The following EYA4 variants were observed in gnomAD, a reference collection of about 807,000 sequenced individuals.
EYA4 encodes EYA transcriptional coactivator and phosphatase 4.
Under a neutral mutation model 87.9 loss-of-function variants are expected in EYA4, and 31 were observed. That is an observed-to-expected ratio of 0.35 (90% confidence interval 0.27 to 0.48). The LOEUF (loss-of-function observed/expected upper bound fraction) is 0.48. EYA4 is among the 20% of genes least tolerant of loss of function. EYA4 has a pLI of 0.99. For missense variants in EYA4, 678 were observed against 761.4 expected, an observed-to-expected ratio of 0.89 and a Z score of 1.29; for synonymous variants, 263 against 270.6, an observed-to-expected ratio of 0.97 and a Z score of 0.28.
At chr6:133,504,684 TGAAAG>T (rs1394654764) in intron 13 of EYA4, among the ~76,000 whole-genome samples, 2 of 152,120 alleles carry the variant, frequency 1.3e-5, no homozygotes, top group Non-Finnish European at 2.9e-5. Context: ...CAAAACATGA[TGAAAG>T]GAAATATAGG....
At chr6:133,359,326 G>C (rs1784296372) in intron 2 of EYA4, among the ~76,000 whole-genome samples, 1 of 152,252 alleles carries the variant, frequency 6.6e-6, no homozygotes, top group African/African-American at 2.4e-5. Context: ...TAGCTGAACA[G>C]TTTCATACTT....
intron 3 of EYA4, among the ~76,000 whole-genome samples, chr6:133,417,697 G>T (rs1789852780): frequency 3.4e-5 from 5 of 146,788 alleles, no homozygotes. Flanking sequence ...AAACAAAACA[G>T]CAGTCAAAAC....
Position 133,462,395 on chromosome 6 carries a change from G to A in EYA4, c.498G>A (p.Gln166=). The A allele has an allele frequency of 3.1e-6, 5 of 1,614,060 alleles. No homozygotes were observed. Among genetic ancestry groups the A allele is most frequent in the Non-Finnish European group, 4.2e-6 (5 of 1,179,958 alleles). Residue 166 remains glutamine (Q), a synonymous_variant, in exon 8 of 20, where the codon CAG becomes CAA. Coordinates refer to ENST00000355286, the MANE Select transcript of EYA4 (RefSeq NM_004100.5). ...AAQTMSAYAG[Q]TQYSGMQQPA... is the part of the protein sequence containing the mutation. ...AAACAATGTCTGCCTATGCAGGCCA[G>A]ACTCAGTATTCGGGGATGCAGCAGC...
At chr6:133,477,426 A>T (rs1465338335) in intron 11 of EYA4, among the ~76,000 whole-genome samples, 1 of 152,006 alleles carries the variant, frequency 6.6e-6, no homozygotes. Flanking sequence ...TTGAGTGATG[A>T]TCATGCCAAC....
At chr6:133,389,931 G>A (rs750872255) in intron 3 of EYA4, among the ~76,000 whole-genome samples, 1 of 152,094 alleles carries the variant, frequency 6.6e-6, no homozygotes, top group African/African-American at 2.4e-5. Context: ...CTGAATGAAT[G>A]CAGTAGGTCT....
At chr6:133,303,166 A>G (rs1458757418) in intron 2 of EYA4, among the ~76,000 whole-genome samples, 1 of 152,226 alleles carries the variant, frequency 6.6e-6, no homozygotes, top group Non-Finnish European at 1.5e-5. Flanking sequence ...GCTTACACTG[A>G]ACAATACTGT....
At chr6:133,524,825 T>C (rs1036787162) in intron 18 of EYA4, among the ~76,000 whole-genome samples, 1 of 152,160 alleles carries the variant, frequency 6.6e-6, no homozygotes, top group African/African-American at 2.4e-5. Context: ...GTTTTTGGAG[T>C]GTGAAACACA....
At chr6:133,456,736 G>A in intron 6 of EYA4, 88 bp downstream of exon 6, 2 of 833,974 alleles carry the variant, frequency 2.4e-6, no homozygotes, top group Non-Finnish European at 4.2e-6. Context: ...AAGCATCCAA[G>A]CTCTTAGAAC....
chr6:133,531,107 G>T lies in EYA4; in HGVS notation c.*2302G>T. The T allele has an allele frequency of 6.7e-7, 1 of 1,491,550 alleles. No homozygotes were observed. The highest frequency in any genetic ancestry group is 8.9e-7 in the Non-Finnish European group (1 of 1,123,028). The allele number at this position is 1,491,550 out of a possible 1,614,324, so 92.4% of individuals were successfully genotyped here. On this transcript the variant is annotated 3_prime_UTR_variant, in exon 20 of 20. Coordinates refer to ENST00000355286, the MANE Select transcript of EYA4 (RefSeq NM_004100.5). Reference sequence around the variant, plus strand: ...GCTTTTTATGCTGCTAAGTCTGTGGGTGCAGAAAGAAACACCCCTTGGAAG... The same window carrying T: ...GCTTTTTATGCTGCTAAGTCTGTGGTTGCAGAAAGAAACACCCCTTGGAAG...
At chr6:133,470,030 T>A (rs1242309617) in intron 11 of EYA4, among the ~76,000 whole-genome samples, 1 of 150,764 alleles carries the variant, frequency 6.6e-6, no homozygotes, top group Non-Finnish European at 1.5e-5. Flanking sequence ...TTTTCTCCCA[T>A]GTTGTAGGTT....
chr6:133,258,732 G>A (rs968517432), intron 1 of EYA4, among the ~76,000 whole-genome samples: 2 of 151,746 alleles, frequency 1.3e-5, no homozygotes, highest in Non-Finnish European at 2.9e-5. Flanking sequence ...CTTTCCCGGG[G>A]GCTTTTTAGG....
intron 2 of EYA4, among the ~76,000 whole-genome samples, chr6:133,305,965 T>C (rs1284421182): frequency 1.5e-5 from 2 of 135,376 alleles, no homozygotes; most frequent in Admixed American, 7.4e-5. Context: ...ATAATGATTA[T>C]CTATGTGCTT....
intron 2 of EYA4, among the ~76,000 whole-genome samples, chr6:133,366,412 A>T (rs990707409): frequency 6.6e-6 from 1 of 152,152 alleles, no homozygotes. Flanking sequence ...TGGTGATAAA[A>T]ATTTGGGAAC....
intron 2 of EYA4, among the ~76,000 whole-genome samples, chr6:133,298,551 A>G (rs1041132549): frequency 6.6e-6 from 1 of 152,216 alleles, no homozygotes; most frequent in African/African-American, 2.4e-5. Context: ...CAATTATAGC[A>G]TAGAGGTAAA....
intron 2 of EYA4, among the ~76,000 whole-genome samples, chr6:133,380,885 T>TCC (rs1289739020): frequency 6.8e-6 from 1 of 147,728 alleles, no homozygotes; most frequent in African/African-American, 2.5e-5. Flanking sequence ...CTCTTCTTCT[T>TCC]CTTCCCTCCC....
Position 133,528,724 on chromosome 6 carries a change from G to A in EYA4, c.1840-1G>A. 1.2e-6 allele frequency: 2 copies of A among 1,609,782 alleles called. No individual in the cohort carries two copies. The highest frequency in any genetic ancestry group is 2.2e-5 in the East Asian group (1 of 44,854). On this transcript the variant is annotated splice_acceptor_variant, in intron 19 of 19. Coordinates refer to ENST00000355286, the MANE Select transcript of EYA4 (RefSeq NM_004100.5). LOFTEE classifies it high-confidence loss of function. ...CATCCCTCCTTCTCCTAACCACACA[G>A]CACAACATGCCCTTCTGGAGGATAT...
intron 2 of EYA4, among the ~76,000 whole-genome samples, chr6:133,333,973 A>C (rs1458609538): frequency 6.6e-6 from 1 of 152,110 alleles, no homozygotes; most frequent in Non-Finnish European, 1.5e-5. Context: ...TCTTTCTTTT[A>C]ATTGGTAAAA....
intron 1 of EYA4, among the ~76,000 whole-genome samples, chr6:133,255,480 A>G (rs1185545061): frequency 1.3e-5 from 2 of 152,168 alleles, no homozygotes; most frequent in Non-Finnish European, 2.9e-5. Context: ...TACTGTGCAT[A>G]TGTTATACTT....
chr6:133,485,844 G>A (rs1459132879), intron 13 of EYA4, among the ~76,000 whole-genome samples: 1 of 152,214 alleles, frequency 6.6e-6, no homozygotes, highest in Non-Finnish European at 1.5e-5. Context: ...GGAAGGGGAT[G>A]AGAAAGATAA....
Sources: gnomAD v4.1 joint callset for allele counts (sites outside exome capture counted in the v4.1 genomes callset) on GRCh38, gnomAD v4.1.1 for gene constraint, MANE v1.5 for transcripts, NCBI Gene and HGNC (gene_info 2026-07-23, HGNC 2026-07-21) for gene names.